CDKN2A: variants seen among roughly 807,000 people sequenced by gnomAD.
CDKN2A encodes cyclin dependent kinase inhibitor 2A, also known as cyclin-dependent kinase inhibitor 2A.
CDKN2A carries 3 observed loss-of-function variants against 11.1 expected under a neutral mutation model. The observed-to-expected ratio is 0.27, with a 90% CI of 0.12 to 0.70. The LOEUF (loss-of-function observed/expected upper bound fraction) is 0.70. Among genes scored for constraint, CDKN2A ranks in the 30% least tolerant of loss-of-function variants. The probability of loss-of-function intolerance (pLI) is 0.77; values close to 1 mark genes in which losing one functional copy is unlikely to be tolerated. For synonymous variants in CDKN2A, 122 were observed against 108.1 expected, an observed-to-expected ratio of 1.13 and a Z score of -0.80; for missense variants, 265 against 233.6, an observed-to-expected ratio of 1.13 and a Z score of -0.88.
At position 21,991,924 on chromosome 9, in the gene CDKN2A, C is replaced by T. The variant is rs2811710; in HGVS notation, c.-4+1958G>A. 383,279 of 983,220 alleles carry T rather than the reference C, an allele frequency of 0.39. 77,739 individuals are homozygous for T. Among genetic ancestry groups the T allele is most frequent in the African/African-American group, 0.68 (39,040 of 57,190 alleles). The allele number at this position is 983,220 out of a possible 1,614,324, so 60.9% of individuals were successfully genotyped here. ...TCTGTGCTATTAAAGAAAAAAATAA[C>T]CTGAGCCTTCTGAAGTAGCTATAAA... On this transcript the variant is annotated intron_variant, in intron 2 of 3. Coordinates refer to the CDKN2A transcript ENST00000494262. The surrounding 1 kb of genome is among the most constrained non-coding windows in gnomAD (Gnocchi z 5.2).
upstream of CDKN2A, among the ~76,000 whole-genome samples, chr9:21,975,646 G>A (rs1207331537): frequency 6.6e-6 from 1 of 152,188 alleles, no homozygotes; most frequent in Non-Finnish European, 1.5e-5. Context: ...TGGTATAAGA[G>A]CAGACTCTGA....
chr9:21,991,571 G>C lies in CDKN2A; in HGVS notation c.-4+2311C>G. On this transcript the variant is annotated intron_variant, in intron 2 of 3. Coordinates refer to the CDKN2A transcript ENST00000494262. The surrounding 1 kb of genome is among the most constrained non-coding windows in gnomAD (Gnocchi z 5.2). The stretch of plus-strand genomic sequence containing the variant: ...AACCTTGCTATAAAAAAGTATTTTT[G>C]ATACCATTTGTATCACTTTAGTAAT... 1 of 810,692 alleles carries C rather than the reference G, an allele frequency of 1.2e-6. No homozygotes were observed. The highest frequency in any genetic ancestry group is 1.5e-6 in the Non-Finnish European group (1 of 670,628). 50.2% of individuals were successfully genotyped at this position (810,692 alleles called of 1,614,324 possible).
At chr9:21,970,744 C>T in intron 2 of CDKN2A, 158 bp downstream of exon 2, 2 of 888,458 alleles carry the variant, frequency 2.3e-6, no homozygotes, top group Non-Finnish European at 3.5e-6. Context: ...CCTGGCGGGG[C>T]AGGGCGATAG....
upstream of CDKN2A, among the ~76,000 whole-genome samples, chr9:21,975,561 T>TCCTTCCCCTCC (rs1820002519): frequency 6.6e-6 from 1 of 152,146 alleles, no homozygotes; most frequent in African/African-American, 2.4e-5. Flanking sequence ...GACTGCTCTC[T>TCCTTCCCCTCC]CCTTCCCCTC....
chr9:21,978,481 T>C (rs1456174640), upstream of CDKN2A, among the ~76,000 whole-genome samples: 1 of 152,198 alleles, frequency 6.6e-6, no homozygotes, highest in East Asian at 1.9e-4. Flanking sequence ...GATTATAATA[T>C]ATTTCATGTG....
chr9:21,969,198 G>A (rs547338381), intron 2 of CDKN2A, among the ~76,000 whole-genome samples: 8 of 152,300 alleles, frequency 5.3e-5, no homozygotes, highest in Middle Eastern at 3.4e-3. Flanking sequence ...CTTGAGCCCA[G>A]ATAACATGGT....
intron 2 of CDKN2A, among the ~76,000 whole-genome samples, chr9:21,987,952 G>A (rs1820339954): frequency 6.6e-6 from 1 of 152,148 alleles, no homozygotes. Context: ...TTTTCTGAAC[G>A]TGAACCCCAG....
chr9:21,974,460 T>C lies in CDKN2A; in HGVS notation c.150+218A>G, dbSNP rs1265145172. On this transcript the variant is annotated intron_variant, in intron 1 of 2. Transcript: ENST00000304494. This position sits in a 1 kb window ranked among gnomAD's most constrained non-coding sequence, Gnocchi z 5.2. ...AGATCTTCTCAGCATTCGAGAGATCTGTACGCGCGTGGCTCCTCATTCCTC... is the reference window on the plus strand; with the variant it reads ...AGATCTTCTCAGCATTCGAGAGATCCGTACGCGCGTGGCTCCTCATTCCTC... The C allele has an allele frequency of 1.2e-6, 2 of 1,606,268 alleles. No homozygotes were observed. Among genetic ancestry groups the C allele is most frequent in the African/African-American group, 1.4e-5 (1 of 70,192 alleles).
At position 21,968,676 on chromosome 9, in the gene CDKN2A, A is replaced by G; in HGVS notation, c.458-434T>C. On this transcript the variant is annotated intron_variant, in intron 2 of 2. Transcript: ENST00000304494. The surrounding 1 kb of genome is among the most constrained non-coding windows in gnomAD (Gnocchi z 4.7). ...GTGAGCCAGCCAGCTTGCGATAACCAAAGGGCGCCTCAGGCTCTGGCGCTC... is the reference window on the plus strand; with the variant it reads ...GTGAGCCAGCCAGCTTGCGATAACCGAAGGGCGCCTCAGGCTCTGGCGCTC... 6.5e-7 allele frequency: 1 copy of G among 1,535,942 alleles called. No individual in the cohort carries two copies. The highest frequency in any genetic ancestry group is 8.7e-7 in the Non-Finnish European group (1 of 1,146,770).
At chr9:21,989,527 C>T (rs1307868583) in intron 2 of CDKN2A, 2 of 152,180 alleles carry the variant, frequency 1.3e-5, no homozygotes, top group East Asian at 3.9e-4. Context: ...AAGTCGTGGC[C>T]TTTCAACACT....
In CDKN2A at chr9:21,971,103, C is replaced by A. The variant is rs1190283873; in HGVS notation, c.256G>T (p.Ala86Ser). Reference protein sequence around the residue: ...ATLTRPVHDAAREGFLDTLVV... With the variant: ...ATLTRPVHDASREGFLDTLVV... ...AGCGTGTCCAGGAAGCCCTCCCGGG[C>A]AGCGTCGTGCACGGGTCGGGTGAGA... Residue 86 changes from alanine (A) to serine (S), a missense_variant, in exon 2 of 3, where the codon GCC (alanine) becomes TCC (serine). Physicochemically the swap from Ala to Ser is moderately conservative, Grantham distance 99. Coordinates refer to ENST00000304494, the MANE Select transcript of CDKN2A (RefSeq NM_000077.5). The A allele has an allele frequency of 6.2e-7, 1 of 1,604,588 alleles. No homozygotes were observed. The highest frequency in any genetic ancestry group is 8.5e-7 in the Non-Finnish European group (1 of 1,179,570).
At chr9:21,994,565 G>T in intron 1 of CDKN2A, 2 of 1,070,940 alleles carry the variant, frequency 1.9e-6, no homozygotes, top group Non-Finnish European at 2.5e-6. Context: ...TCTCGGAACG[G>T]CTCTGAGCCC....
Position 21,974,740 on chromosome 9 carries a change from C to T in CDKN2A, c.88G>A (p.Ala30Thr), listed in dbSNP as rs2131112846. Residue 30 changes from alanine (A) to threonine (T), a missense_variant, in exon 1 of 3, where the codon GCG becomes ACG. Coordinates refer to ENST00000304494, the MANE Select transcript of CDKN2A (RefSeq NM_000077.5). The surrounding 1 kb of genome is among the most constrained non-coding windows in gnomAD (Gnocchi z 5.2). The stretch of plus-strand genomic sequence containing the variant: ...GGCAGCGCCCCCGCCTCCAGCAGCG[C>T]CCGCACCTCCTCTACCCGACCCCGG... ...AARGRVEEVR[A>T]LLEAGALPNA... 2 of 1,612,502 alleles carry T rather than the reference C, an allele frequency of 1.2e-6. No homozygotes were observed. The highest frequency in any genetic ancestry group is 1.7e-6 in the Non-Finnish European group (2 of 1,179,774).
In CDKN2A at chr9:21,991,736, A is replaced by T; in HGVS notation, c.-4+2146T>A. On this transcript the variant is annotated intron_variant, in intron 2 of 3. Coordinates refer to the CDKN2A transcript ENST00000494262. The surrounding 1 kb of genome is among the most constrained non-coding windows in gnomAD (Gnocchi z 5.2). Reference sequence around the variant, plus strand: ...ATGTTGTTGCTACCTTAGGATCATAATGGACTTTCTAAAATTCAAGAGTAC... The same window carrying T: ...ATGTTGTTGCTACCTTAGGATCATATTGGACTTTCTAAAATTCAAGAGTAC... 1.0e-6 allele frequency: 1 copy of T among 984,654 alleles called. No individual in the cohort carries two copies. Among genetic ancestry groups the T allele is most frequent in the Non-Finnish European group, 1.2e-6 (1 of 829,228 alleles). 61.0% of individuals were successfully genotyped at this position (984,654 alleles called of 1,614,324 possible).
rs748327367 is a variant in CDKN2A, at chr9:21,994,165, C to T, written c.-175-112G>A. ...TGGTCTTCTAGGAAGCGGCTGCTGC[C>T]CTAGACGCTGGCTCCTCAGTAGCAT... On this transcript the variant is annotated intron_variant, in intron 1 of 3. Coordinates refer to the CDKN2A transcript ENST00000494262. 49 of 1,603,288 alleles carry T rather than the reference C, an allele frequency of 3.1e-5. No individual in the cohort carries two copies. The highest frequency in any genetic ancestry group is 4.1e-5 in the Non-Finnish European group (48 of 1,179,866).
intron 2 of CDKN2A, chr9:21,969,557 A>G (rs1819591762): frequency 5.1e-6 from 2 of 393,820 alleles, no homozygotes. Flanking sequence ...GAAATGAAAG[A>G]CTTGTGTGTT....
upstream of CDKN2A, chr9:21,974,867 G>T (rs777276974): frequency 5.7e-5 from 85 of 1,491,256 alleles, no homozygotes; most frequent in South Asian, 1.1e-3. The surrounding 1 kb of genome is among the most constrained non-coding windows in gnomAD (Gnocchi z 5.2). Flanking sequence ...CCCCCTCTCC[G>T]CAGCCGCCGA....
chr9:21,971,575 A>ATTTTTTTTTTTTTTTGTTTTTT (rs1819756476), intron 1 of CDKN2A, among the ~76,000 whole-genome samples: 1 of 111,398 alleles, frequency 9.0e-6, no homozygotes, highest in African/African-American at 4.4e-5. Context: ...AGGCCTGGAG[A>ATTTTTTTTTTTTTTTGTTTTTT]TTTTTTTTTT....
chr9:21,983,139 A>G (rs1411258123), intron 2 of CDKN2A, among the ~76,000 whole-genome samples: 1 of 152,116 alleles, frequency 6.6e-6, no homozygotes, highest in East Asian at 1.9e-4. Context: ...GTAGTAATAC[A>G]TAGTGATAGA....
Sources: allele counts gnomAD v4.1 joint callset (sites outside exome capture counted in the v4.1 genomes callset), GRCh38; gene constraint gnomAD v4.1.1; non-coding constraint Gnocchi (gnomAD v3.1); transcripts MANE v1.5; gene names NCBI Gene and HGNC (gene_info 2026-07-23, HGNC 2026-07-21).